CARF: variants seen among roughly 807,000 people sequenced by gnomAD.
The protein encoded by CARF is calcium-responsive transcription factor.
A neutral mutation model predicts 82.0 loss-of-function variants in CARF; 57 were observed. The ratio of observed to expected loss-of-function variants is 0.70; its 90% CI spans 0.56 to 0.87. CARF has a LOEUF of 0.87. CARF is among the 40% of genes least tolerant of loss of function. The pLI is 0.00. For missense variants in CARF, 771 were observed against 855.8 expected, an observed-to-expected ratio of 0.90 and a Z score of 1.24; for synonymous variants, 268 against 290.1, an observed-to-expected ratio of 0.92 and a Z score of 0.77.
intron 8 of CARF, among the ~76,000 whole-genome samples, chr2:202,957,606 G>A (rs2059112798): frequency 1.3e-5 from 2 of 151,838 alleles, no homozygotes; most frequent in Non-Finnish European, 2.9e-5. Flanking sequence ...GATTATTTTA[G>A]CCTTTATCTA....
At position 202,951,428 on chromosome 2, in the gene CARF, T is replaced by C. The variant is rs559103571; in HGVS notation, c.307-1131T>C. Reference sequence around the variant, plus strand: ...CAAAAGAGGAGTCTGGGAACGTGGGTTGGAATGATTAAGGATTGTTACCTG... The same window carrying C: ...CAAAAGAGGAGTCTGGGAACGTGGGCTGGAATGATTAAGGATTGTTACCTG... On this transcript the variant is annotated intron_variant, in intron 5 of 16. Transcript: ENST00000438828. 4.6e-5 allele frequency among the ~76,000 whole-genome samples: 7 copies of C among 152,100 alleles called. No individual in the cohort carries two copies. The South Asian group carries it at 1.2e-3, about 27-fold the overall frequency.
chr2:202,918,840 T>TG (rs1553548150), intron 2 of CARF, among the ~76,000 whole-genome samples: 4 of 152,184 alleles, frequency 2.6e-5, no homozygotes, highest in Non-Finnish European at 5.9e-5. Context: ...AACCAACTTT[T>TG]CCGTATAGAA....
intron 11 of CARF, among the ~76,000 whole-genome samples, chr2:202,971,188 T>A (rs2059777053): frequency 6.6e-6 from 1 of 152,176 alleles, no homozygotes. Flanking sequence ...ATAATACAAT[T>A]AATATGAAAT....
chr2:202,920,027 AATG>A (rs1330794890), intron 2 of CARF, among the ~76,000 whole-genome samples: 2 of 152,296 alleles, frequency 1.3e-5, no homozygotes, highest in African/African-American at 4.8e-5. Context: ...TTTTCTATAA[AATG>A]ATGATAATAA....
At chr2:202,935,097 ATATAATATATAATTATATATAATTATT>A (rs1398031117) in intron 3 of CARF, among the ~76,000 whole-genome samples, 1 of 135,684 alleles carries the variant, frequency 7.4e-6, no homozygotes, top group Non-Finnish European at 1.6e-5. Context: ...TACATATTAT[ATATAATATATAATTATATATAATTATT>A]TATAATTATA....
chr2:202,945,036 G>GA (rs1316423309), intron 5 of CARF, among the ~76,000 whole-genome samples: 1 of 151,674 alleles, frequency 6.6e-6, no homozygotes, highest in South Asian at 2.1e-4. Context: ...ATGAAGCATG[G>GA]AAAAAAAATG....
At chr2:202,935,703 G>A (rs539266006) in intron 3 of CARF, among the ~76,000 whole-genome samples, 13 of 152,148 alleles carry the variant, frequency 8.5e-5, no homozygotes, top group East Asian at 3.9e-4. Context: ...GGGATTACCC[G>A]CATGAGTCAC....
chr2:202,930,907 A>G (rs1301441790), intron 3 of CARF, among the ~76,000 whole-genome samples: 3 of 148,606 alleles, frequency 2.0e-5, no homozygotes, highest in African/African-American at 7.5e-5. Context: ...CTTTATGATG[A>G]TCCACTTCCC....
At chr2:202,963,416 G>T (rs577738275) in intron 9 of CARF, among the ~76,000 whole-genome samples, 35 of 151,756 alleles carry the variant, frequency 2.3e-4, no homozygotes, top group African/African-American at 7.0e-4. Flanking sequence ...TGAATTTTTT[G>T]AATGTAATAT....
chr2:202,980,401 C>T (rs1282857019), intron 14 of CARF, among the ~76,000 whole-genome samples: 1 of 150,990 alleles, frequency 6.6e-6, no homozygotes, highest in Non-Finnish European at 1.5e-5. Context: ...TTCATTTATA[C>T]CAAAATGAGT....
chr2:202,961,809 G>A (rs2059333823), intron 9 of CARF: 2 of 278,140 alleles, frequency 7.2e-6, no homozygotes, highest in East Asian at 8.3e-5. Context: ...AGAAATTTAT[G>A]TCTATTTTAT....
At chr2:202,961,855 G>A (rs2059336053) in intron 9 of CARF, 2 of 212,596 alleles carry the variant, frequency 9.4e-6, no homozygotes, top group South Asian at 1.7e-4. Context: ...TATAGAATTT[G>A]TATACAATCT....
At chr2:202,977,464 G>T in intron 14 of CARF, 132 bp downstream of exon 14, 1 of 658,630 alleles carries the variant, frequency 1.5e-6, no homozygotes. Context: ...GAGCAGCTAT[G>T]TTATGGTTTA....
At chr2:202,968,718 G>GTGCC (rs945764792) in intron 10 of CARF, among the ~76,000 whole-genome samples, 7 of 152,028 alleles carry the variant, frequency 4.6e-5, no homozygotes, top group African/African-American at 1.7e-4. Flanking sequence ...ACTACATTGG[G>GTGCC]TGCCATAGGA....
At chr2:202,969,815 A>G (rs1358194281) in intron 10 of CARF, 104 bp from the exon 11 acceptor site, 6 of 710,474 alleles carry the variant, frequency 8.4e-6, no homozygotes, top group Non-Finnish European at 1.3e-5. Context: ...GATAAATTGA[A>G]TTTTCTCTAA....
Position 202,941,999 on chromosome 2 carries a change from AC to A in CARF, c.78+21del, listed in dbSNP as rs1273285137. 6.3e-7 allele frequency: 1 copy of A among 1,597,474 alleles called. No homozygotes were observed. Among genetic ancestry groups the A allele is most frequent in the Non-Finnish European group, 8.6e-7 (1 of 1,165,336 alleles). ...ATTTGAGGTATGGATTCAGCTGGGA[AC>A]CTTTTTCCATCCTAGGGTAAAACAG... On this transcript the variant is annotated intron_variant, in intron 4 of 16. Coordinates refer to ENST00000438828, the MANE Select transcript of CARF (RefSeq NM_024744.17).
intron 2 of CARF, among the ~76,000 whole-genome samples, chr2:202,920,946 G>A (rs1181714679): frequency 6.6e-6 from 1 of 152,044 alleles, no homozygotes; most frequent in Non-Finnish European, 1.5e-5. Context: ...ATAAATAATA[G>A]TTAAATGAAT....
At position 202,941,844 on chromosome 2, in the gene CARF, A is replaced by G. The variant is rs1321512525; in HGVS notation, c.-43-16A>G. On this transcript the variant is annotated splice_polypyrimidine_tract_variant and intron_variant, in intron 3 of 16. Coordinates refer to ENST00000438828, the MANE Select transcript of CARF (RefSeq NM_024744.17). ...TACTAAGTGCTTTAGTTGATCAGCT[A>G]TTTAAACTCTTTCAGCTATTAAATA... 5 of 1,376,882 alleles carry G rather than the reference A, an allele frequency of 3.6e-6. No individual in the cohort carries two copies. Among genetic ancestry groups the G allele is most frequent in the Admixed American group, 1.7e-5 (1 of 57,598 alleles). 85.3% of individuals were successfully genotyped at this position (1,376,882 alleles called of 1,614,324 possible). A position where few individuals can be genotyped will look rare whatever the true frequency, so the allele number is the denominator to read the frequency against.
At chr2:202,935,147 AAT>A (rs1245269555) in intron 3 of CARF, among the ~76,000 whole-genome samples, 2 of 109,532 alleles carry the variant, frequency 1.8e-5, no homozygotes, top group Non-Finnish European at 3.9e-5. Flanking sequence ...ATATAATTAT[AAT>A]ATATACTCCT....
Sources: gnomAD v4.1 joint callset for allele counts (sites outside exome capture counted in the v4.1 genomes callset) on GRCh38, gnomAD v4.1.1 for gene constraint, MANE v1.5 for transcripts, NCBI Gene and HGNC (gene_info 2026-07-23, HGNC 2026-07-21) for gene names.